Variants in CDH20 observed in about 807,000 individuals in gnomAD.
CDH20 encodes the protein cadherin-20.
CDH20 carries 29 observed loss-of-function variants against 74.2 expected under a neutral mutation model. That is an observed-to-expected ratio of 0.39 (90% CI 0.29 to 0.53). CDH20 has a LOEUF of 0.53. CDH20 is among the 20% of genes least tolerant of loss of function. CDH20 has a pLI of 0.69. For missense variants in CDH20, 988 were observed against 1,048.3 expected (o/e 0.94, Z 0.79); for synonymous variants, 469 against 405.4 (o/e 1.16, Z -1.88).
At chr18:61,398,139 C>T (rs940422161) in intron 1 of CDH20, among the ~76,000 whole-genome samples, 6 of 152,148 alleles carry the variant, frequency 3.9e-5, no homozygotes. Flanking sequence ...AGCCATCTAG[C>T]AATTGCATTG....
intron 1 of CDH20, among the ~76,000 whole-genome samples, chr18:61,407,584 C>G (rs75424812): frequency 3.9e-5 from 6 of 152,070 alleles, no homozygotes; most frequent in Non-Finnish European, 7.4e-5. Context: ...AATGGAAACC[C>G]GCTGAAGGTT....
intron 1 of CDH20, among the ~76,000 whole-genome samples, chr18:61,483,995 CA>C (rs1910675141): frequency 6.6e-6 from 1 of 152,080 alleles, no homozygotes; most frequent in Admixed American, 6.5e-5. Flanking sequence ...TTACCTTTGC[CA>C]AAAAATCTTC....
chr18:61,490,821 T>C (rs371830845), intron 2 of CDH20, 22 bp downstream of exon 2: 3 of 1,612,200 alleles, frequency 1.9e-6, no homozygotes, highest in African/African-American at 2.7e-5. Context: ...CAAGTAGAAA[T>C]GACCCGGGTA....
intron 1 of CDH20, among the ~76,000 whole-genome samples, chr18:61,342,767 G>C (rs189041729): frequency 6.6e-6 from 1 of 152,092 alleles, no homozygotes; most frequent in Non-Finnish European, 1.5e-5. Flanking sequence ...TTTAAGAGTA[G>C]GGCATCTATT....
intron 6 of CDH20, among the ~76,000 whole-genome samples, chr18:61,516,881 G>C (rs1023682846): frequency 5.9e-5 from 9 of 152,022 alleles, no homozygotes; most frequent in African/African-American, 2.2e-4. Flanking sequence ...AAATAATAAA[G>C]TTTAGACAAT....
intron 1 of CDH20, among the ~76,000 whole-genome samples, chr18:61,394,923 A>G (rs1169836732): frequency 6.6e-6 from 1 of 151,530 alleles, no homozygotes; most frequent in Admixed American, 6.6e-5. Context: ...CTTTTCTTAG[A>G]ATGGTTCTTC....
At chr18:61,350,409 C>T (rs1910265082) in intron 1 of CDH20, among the ~76,000 whole-genome samples, 1 of 152,060 alleles carries the variant, frequency 6.6e-6, no homozygotes, top group Admixed American at 6.6e-5. Flanking sequence ...GACAGGACTT[C>T]CAGCGGTCTT....
chr18:61,431,541 G>A (rs1172685705), intron 1 of CDH20, among the ~76,000 whole-genome samples: 1 of 152,056 alleles, frequency 6.6e-6, no homozygotes, highest in African/African-American at 2.4e-5. Flanking sequence ...GAAACTAATA[G>A]GGTATATGAG....
chr18:61,344,990 CT>C (rs1294196831), intron 1 of CDH20, among the ~76,000 whole-genome samples: 1 of 152,104 alleles, frequency 6.6e-6, no homozygotes, highest in African/African-American at 2.4e-5. Flanking sequence ...CTTTCTCTGC[CT>C]TTATCATTTC....
chr18:61,544,185 G>A (rs2144402241), intron 9 of CDH20, among the ~76,000 whole-genome samples: 2 of 152,322 alleles, frequency 1.3e-5, no homozygotes, highest in South Asian at 2.1e-4. Context: ...GAACAGGGGT[G>A]TGCCCTGCTG....
chr18:61,490,392 A>G lies in CDH20; in HGVS notation c.-152-10A>G. ...GACATCATCACACTGTGTTTTCCTT[A>G]ACTTGACAGGAAGTCAACTTCAAGC... On this transcript the variant is annotated splice_polypyrimidine_tract_variant and intron_variant, in intron 1 of 11. Transcript: ENST00000262717. 2.9e-6 allele frequency: 2 copies of G among 686,282 alleles called. No homozygotes were observed. The allele number at this position is 686,282 out of a possible 1,614,324, so 42.5% of individuals were successfully genotyped here. A position where few individuals can be genotyped will look rare whatever the true frequency, so the allele number is the denominator to read the frequency against.
intron 1 of CDH20, among the ~76,000 whole-genome samples, chr18:61,414,961 C>T (rs920937389): frequency 2.6e-5 from 4 of 152,094 alleles, no homozygotes; most frequent in Non-Finnish European, 4.4e-5. Flanking sequence ...ATTCCATATC[C>T]GTTAAACAAT....
At chr18:61,508,622 C>CTATTAT (rs56980561) in intron 6 of CDH20, among the ~76,000 whole-genome samples, 26 of 151,530 alleles carry the variant, frequency 1.7e-4, no homozygotes, top group South Asian at 4.2e-4. Context: ...AGATTGGAGA[C>CTATTAT]TATTATTATT....
chr18:61,418,279 G>A lies in CDH20; in HGVS notation c.-152-72123G>A, dbSNP rs571865826. Among the ~76,000 whole-genome samples, 6 of 152,178 alleles carry A rather than the reference G, an allele frequency of 3.9e-5. No homozygotes were observed. In the East Asian group the frequency reaches 1.2e-3, roughly 29 times the overall value. On this transcript the variant is annotated intron_variant, in intron 1 of 11. Coordinates refer to ENST00000262717, the MANE Select transcript of CDH20 (RefSeq NM_031891.4). The stretch of plus-strand genomic sequence containing the variant: ...TCTAATCCTAAAACATCCTGGCCGG[G>A]CGTGGTGGCTCACGCCTGTAATCCC...
At chr18:61,380,041 G>A (rs1265670865) in intron 1 of CDH20, among the ~76,000 whole-genome samples, 2 of 152,294 alleles carry the variant, frequency 1.3e-5, no homozygotes, top group East Asian at 3.9e-4. Context: ...ACACGCGGAT[G>A]TTTATTTTAG....
intron 1 of CDH20, among the ~76,000 whole-genome samples, chr18:61,476,738 G>A (rs755467239): frequency 6.6e-6 from 1 of 152,102 alleles, no homozygotes; most frequent in Non-Finnish European, 1.5e-5. Context: ...GACTTAAACA[G>A]TTCTCATTCC....
chr18:61,493,433 G>A (rs2144302808), intron 2 of CDH20, among the ~76,000 whole-genome samples: 1 of 152,318 alleles, frequency 6.6e-6, no homozygotes, highest in South Asian at 2.1e-4. Flanking sequence ...AAGCACTACA[G>A]TGCTTTTGAA....
intron 1 of CDH20, among the ~76,000 whole-genome samples, chr18:61,374,003 T>C (rs560676537): frequency 6.6e-6 from 1 of 152,276 alleles, no homozygotes; most frequent in African/African-American, 2.4e-5. Context: ...TTCTGTAAGA[T>C]TGAGTGACAA....
intron 1 of CDH20, among the ~76,000 whole-genome samples, chr18:61,350,598 C>T (rs757350488): frequency 3.9e-5 from 6 of 152,116 alleles, no homozygotes; most frequent in Non-Finnish European, 8.8e-5. Context: ...TGTGAACTGC[C>T]CGCTAAATAG....
Sources: allele counts gnomAD v4.1 joint callset (sites outside exome capture counted in the v4.1 genomes callset), GRCh38; gene constraint gnomAD v4.1.1; transcripts MANE v1.5; gene names NCBI Gene and HGNC (gene_info 2026-07-23, HGNC 2026-07-21).